The following SLC15A2 variants were observed in gnomAD, a reference collection of about 807,000 sequenced individuals.
The protein encoded by SLC15A2 is solute carrier family 15 member 2.
In SLC15A2, 77 loss-of-function variants were observed where a neutral mutation model predicts 95.5. The ratio of observed to expected loss-of-function variants is 0.81; its 90% confidence interval spans 0.67 to 0.97. SLC15A2 has a LOEUF of 0.97. Ranked by LOEUF, SLC15A2 falls within the 50% of genes least tolerant of loss-of-function variation. The pLI, the probability that SLC15A2 is intolerant of heterozygous loss-of-function variation, is 0.00. For missense variants in SLC15A2, 893 were observed against 874.4 expected (o/e 1.02, Z -0.27); for synonymous variants, 306 against 306.9 (o/e 1.00, Z 0.03).
Position 121,923,217 on chromosome 3 carries a change from C to A in SLC15A2, c.958-5C>A. 1 of 1,613,930 alleles carries A rather than the reference C, an allele frequency of 6.2e-7. No individual in the cohort carries two copies. Among genetic ancestry groups the A allele is most frequent in the South Asian group, 1.1e-5 (1 of 91,052 alleles). On this transcript the variant is annotated splice_polypyrimidine_tract_variant and splice_region_variant and intron_variant, in intron 10 of 21. Coordinates refer to ENST00000489711, the MANE Select transcript of SLC15A2 (RefSeq NM_021082.4). The stretch of plus-strand genomic sequence containing the variant: ...ATTTCTCATAACAGGATCTGTTTGC[C>A]CTAGGGTTCACGATGGACTTTGCAA...
chr3:121,923,009 C>A, intron 9 of SLC15A2, 31 bp from the exon 10 acceptor site: 1 of 1,604,100 alleles, frequency 6.2e-7, no homozygotes, highest in South Asian at 1.1e-5. Context: ...GAACTTCTAG[C>A]ATTTCTGCCC....
At chr3:121,924,318 C>T (rs1386300165) in intron 11 of SLC15A2, 33 bp from the exon 12 acceptor site, 3 of 1,597,708 alleles carry the variant, frequency 1.9e-6, no homozygotes, top group Non-Finnish European at 1.7e-6. Context: ...TTTCTTCAGA[C>T]ATCAACTAAA....
intron 3 of SLC15A2, among the ~76,000 whole-genome samples, chr3:121,907,118 C>A (rs1387239880): frequency 6.6e-6 from 1 of 152,186 alleles, no homozygotes. Context: ...ATCACTGATA[C>A]CCTTTTTTCC....
In SLC15A2 at chr3:121,928,401, C is replaced by T. The variant is rs1313873253; in HGVS notation, c.1207-20C>T. On this transcript the variant is annotated intron_variant, in intron 14 of 21. Coordinates refer to ENST00000489711, the MANE Select transcript of SLC15A2 (RefSeq NM_021082.4). The stretch of plus-strand genomic sequence containing the variant: ...AAGGATTATTTGTTGGTGATTCTGA[C>T]ATGTGTTCTTTGCTCTAAGGAAATG... 3.7e-6 allele frequency: 6 copies of T among 1,610,338 alleles called. No homozygotes were observed. The highest frequency in any genetic ancestry group is 5.1e-6 in the Non-Finnish European group (6 of 1,178,514).
intron 4 of SLC15A2, 89 bp from the exon 5 acceptor site, chr3:121,912,932 C>T (rs1709802744): frequency 1.2e-6 from 1 of 845,790 alleles, no homozygotes; most frequent in Admixed American, 2.1e-5. Flanking sequence ...TGCCCTTGTA[C>T]ACATTTTTTC....
At chr3:121,934,239 A>G (rs1261875050) in intron 19 of SLC15A2, among the ~76,000 whole-genome samples, 12 of 152,120 alleles carry the variant, frequency 7.9e-5, no homozygotes, top group Admixed American at 6.6e-5. Flanking sequence ...TTGACTTGGC[A>G]ATGCGGGCTC....
intron 18 of SLC15A2, 39 bp from the exon 19 acceptor site, chr3:121,931,599 GC>G (rs751270797): frequency 4.7e-5 from 64 of 1,347,862 alleles, no homozygotes; most frequent in Non-Finnish European, 6.8e-5. Context: ...GCTTTTCCAA[GC>G]CTTGATATTT....
Position 121,894,465 on chromosome 3 carries a change from AAGGAGCCAGCC to A in SLC15A2, c.-10_1del, listed in dbSNP as rs1709380696. 2 of 1,608,324 alleles carry A rather than the reference AAGGAGCCAGCC, an allele frequency of 1.2e-6. No individual in the cohort carries two copies. Among genetic ancestry groups the A allele is most frequent in the African/African-American group, 2.7e-5 (2 of 74,742 alleles). ...AAATGCTTGAGGAGAGAGAGAGAGT[AAGGAGCCAGCC>A]ATGAATCCTTTCCAGAAAAATGAGT... On this transcript the variant is annotated 5_prime_UTR_variant, in exon 1 of 22. Transcript: ENST00000489711.
intron 7 of SLC15A2, among the ~76,000 whole-genome samples, chr3:121,921,898 G>A (rs554411236): frequency 3.3e-5 from 5 of 152,202 alleles, no homozygotes; most frequent in African/African-American, 1.2e-4. Flanking sequence ...AGAAGTCAAA[G>A]ATGACTTCCA....
chr3:121,898,988 T>C (rs1380499175), intron 3 of SLC15A2, among the ~76,000 whole-genome samples: 1 of 152,194 alleles, frequency 6.6e-6, no homozygotes, highest in Non-Finnish European at 1.5e-5. Context: ...ACATATGTAG[T>C]AGTAGTCACC....
chr3:121,943,510 G>T lies in SLC15A2; in HGVS notation c.*2503G>T, dbSNP rs1710497205. 1 of 152,114 alleles carries T rather than the reference G, an allele frequency of 6.6e-6. No homozygotes were observed. Among genetic ancestry groups the T allele is most frequent in the Non-Finnish European group, 1.5e-5 (1 of 68,028 alleles). The allele number at this position is 152,114 out of a possible 1,614,324, so 9.4% of individuals were successfully genotyped here. On this transcript the variant is annotated 3_prime_UTR_variant, in exon 22 of 22. Transcript: ENST00000489711. ...AAGATATCTTAATATGAAGTGCCTG[G>T]AGTCAAATATAACATTCCAAAGTAG...
chr3:121,929,105 C>G lies in SLC15A2; in HGVS notation c.1465C>G (p.Leu489Val), dbSNP rs1480128603. The G allele has an allele frequency of 6.2e-7, 1 of 1,613,916 alleles. No individual in the cohort carries two copies. The highest frequency in any genetic ancestry group is 1.1e-5 in the South Asian group (1 of 91,034). ...TGTGCAGGAGAAGAACTGGTACAGTCTTGTCATTCGTGAAGATGGGAACAG... is the reference window on the plus strand; with the variant it reads ...TGTGCAGGAGAAGAACTGGTACAGTGTTGTCATTCGTGAAGATGGGAACAG... ...HSVQEKNWYSLVIREDGNSIS... is the reference protein window; with the variant it reads ...HSVQEKNWYSVVIREDGNSIS... Residue 489 changes from leucine to valine, a missense_variant, in exon 16 of 22, where the codon CTT becomes GTT. Transcript: ENST00000489711.
At position 121,944,075 on chromosome 3, in the gene SLC15A2, G is replaced by T. The variant is rs1404882602; in HGVS notation, c.*3068G>T. Reference sequence around the variant, plus strand: ...CACAAATTGGAAAAGAGGTATAAATGCAGTATTATAATCTAATGGGACCAC... The same window carrying T: ...CACAAATTGGAAAAGAGGTATAAATTCAGTATTATAATCTAATGGGACCAC... On this transcript the variant is annotated 3_prime_UTR_variant, in exon 22 of 22. Transcript: ENST00000489711. 2 of 152,178 alleles carry T rather than the reference G, an allele frequency of 1.3e-5. No individual in the cohort carries two copies. Among genetic ancestry groups the T allele is most frequent in the Non-Finnish European group, 2.9e-5 (2 of 68,032 alleles). 9.4% of individuals were successfully genotyped at this position (152,178 alleles called of 1,614,324 possible).
rs979814537 is a variant in SLC15A2 at position 121,943,137 on chromosome 3, G to T, written c.*2130G>T. ...AAAAATTAGCCAGGTGTGATGGCAG[G>T]TGCCTGTAATCCCAGCTACTCGGGA... On this transcript the variant is annotated 3_prime_UTR_variant, in exon 22 of 22. Transcript: ENST00000489711. The T allele has an allele frequency of 1.3e-5, 2 of 152,104 alleles. No homozygotes were observed. Among genetic ancestry groups the T allele is most frequent in the Admixed American group, 1.3e-4 (2 of 15,256 alleles). 9.4% of individuals were successfully genotyped at this position (152,104 alleles called of 1,614,324 possible).
chr3:121,924,351 G>C lies in SLC15A2; in HGVS notation c.1003G>C (p.Gly335Arg). The C allele has an allele frequency of 6.2e-7, 1 of 1,612,948 alleles. No individual in the cohort carries two copies. Among genetic ancestry groups the C allele is most frequent in the Non-Finnish European group, 8.5e-7 (1 of 1,179,162 alleles). Residue 335 changes from glycine to arginine, a missense_variant and splice_region_variant, in exon 12 of 22, where the codon GGG becomes CGG. Transcript: ENST00000489711. ...AAATTAATTTGTTAAAATGTTTCAG[G>C]GGTTTTTTGTGCTTCAGCCGGACCA... ...LQAIRMNRNLGFFVLQPDQMQ... is the reference protein window; with the variant it reads ...LQAIRMNRNLRFFVLQPDQMQ...
intron 3 of SLC15A2, among the ~76,000 whole-genome samples, chr3:121,906,321 C>G (rs1359748008): frequency 2.6e-5 from 4 of 152,156 alleles, no homozygotes; most frequent in Non-Finnish European, 4.4e-5. Context: ...CAATTTGCCA[C>G]TCTATGTCTT....
At chr3:121,922,347 G>T (rs772661275) in intron 8 of SLC15A2, 45 bp downstream of exon 8, 1 of 1,492,328 alleles carries the variant, frequency 6.7e-7, no homozygotes, top group Admixed American at 1.7e-5. Flanking sequence ...TCAAAAGAAA[G>T]AGATGCTATG....
At chr3:121,896,372 C>G in intron 1 of SLC15A2, 34 bp from the exon 2 acceptor site, 1 of 1,517,420 alleles carries the variant, frequency 6.6e-7, no homozygotes, top group Non-Finnish European at 9.2e-7. Context: ...GGAAAAACAG[C>G]TCATGCTTGA....
rs780389434 is a variant in SLC15A2, at chr3:121,943,943, A to T, written c.*2936A>T. ...AACGGTACAAAAAACTTTACACATTATATAGATGTATCAAATTATTCATAT... is the reference window on the plus strand; with the variant it reads ...AACGGTACAAAAAACTTTACACATTTTATAGATGTATCAAATTATTCATAT... On this transcript the variant is annotated 3_prime_UTR_variant, in exon 22 of 22. Coordinates refer to ENST00000489711, the MANE Select transcript of SLC15A2 (RefSeq NM_021082.4). The T allele has an allele frequency of 1.1e-4, 16 of 152,244 alleles. No individual in the cohort carries two copies. Among genetic ancestry groups the T allele is most frequent in the Non-Finnish European group, 1.8e-4 (12 of 68,044 alleles). The allele number at this position is 152,244 out of a possible 1,614,324, so 9.4% of individuals were successfully genotyped here. A position where few individuals can be genotyped will look rare whatever the true frequency, so the allele number is the denominator to read the frequency against.
Sources: allele counts gnomAD v4.1 joint callset (sites outside exome capture counted in the v4.1 genomes callset), GRCh38; gene constraint gnomAD v4.1.1; transcripts MANE v1.5; gene names NCBI Gene and HGNC (gene_info 2026-07-23, HGNC 2026-07-21).